ENTREP3: variants seen among roughly 807,000 people sequenced by gnomAD.
The protein encoded by ENTREP3 is endosomal transmembrane epsin interactor 3.
At chr1:155,248,371 T>A in the ENTREP3 span, 1 of 1,613,390 alleles carries the variant, frequency 6.2e-7, no homozygotes, top group Non-Finnish European at 8.5e-7. Context: ...CCATGCCCAA[T>A]CCCCATCCCT....
At chr1:155,251,842 C>T in the ENTREP3 span, 5 of 1,541,268 alleles carry the variant, frequency 3.2e-6, no homozygotes, top group Non-Finnish European at 4.4e-6. Context: ...AGGAGAGGGG[C>T]TGGGGGCGGG....
chr1:155,250,619 G>T, the ENTREP3 span: 1 of 1,609,614 alleles, frequency 6.2e-7, no homozygotes, highest in Non-Finnish European at 8.5e-7. The surrounding 1 kb of genome is among the most constrained non-coding windows in gnomAD (Gnocchi z 5.4). Context: ...GTGGCAGGGG[G>T]CTTTCCTCGA....
the ENTREP3 span, chr1:155,250,330 G>T: frequency 6.5e-7 from 1 of 1,547,848 alleles, no homozygotes; most frequent in Non-Finnish European, 8.7e-7. The surrounding 1 kb of genome is among the most constrained non-coding windows in gnomAD (Gnocchi z 5.4). Context: ...GGCAGCAGCA[G>T]CGGTGGTGGG....
At chr1:155,252,723 T>TATATATATATA in the ENTREP3 span, 21 of 27,638 alleles carry the variant, frequency 7.6e-4, no homozygotes, top group African/African-American at 1.5e-3. Context: ...TATATATATA[T>TATATATATATA]TTTTTTTTTT....
At chr1:155,254,936 A>C in the ENTREP3 span, 242 of 1,351,698 alleles carry the variant, frequency 1.8e-4, no homozygotes, top group Middle Eastern at 2.5e-4. The surrounding 1 kb of genome is among the most constrained non-coding windows in gnomAD (Gnocchi z 4.4). Context: ...GGAGCATCTC[A>C]GAGGCGCCCA....
the ENTREP3 span, chr1:155,247,636 C>T: frequency 6.1e-6 from 5 of 813,158 alleles, no homozygotes; most frequent in Admixed American, 1.0e-4. Context: ...GCAAGAGACC[C>T]CAGAGGTAGG....
chr1:155,254,714 G>A, the ENTREP3 span: 1 of 1,608,552 alleles, frequency 6.2e-7, no homozygotes, highest in Non-Finnish European at 8.5e-7. The surrounding 1 kb of genome is among the most constrained non-coding windows in gnomAD (Gnocchi z 4.4). Context: ...GACGGAAGAG[G>A]CCACCATGCT....
chr1:155,248,227 C>G, the ENTREP3 span: 1 of 1,606,724 alleles, frequency 6.2e-7, no homozygotes, highest in Non-Finnish European at 8.5e-7. Flanking sequence ...GGCGCCGTTT[C>G]TCGGCTGACC....
chr1:155,253,599 T>G, the ENTREP3 span: 43 of 1,544,710 alleles, frequency 2.8e-5, no homozygotes, highest in Admixed American at 5.0e-4. Context: ...CATACCTGCG[T>G]GCCCTGGCCC....
the ENTREP3 span, chr1:155,251,937 G>C: frequency 7.1e-7 from 1 of 1,405,846 alleles, no homozygotes; most frequent in Non-Finnish European, 9.3e-7. Flanking sequence ...CAGCAAGTCT[G>C]GATTCTGGGA....
chr1:155,254,861 C>T, the ENTREP3 span: 1 of 1,574,366 alleles, frequency 6.4e-7, no homozygotes. The surrounding 1 kb of genome is among the most constrained non-coding windows in gnomAD (Gnocchi z 4.4). Context: ...GCTGGAGTCA[C>T]TAGGCGAGGG....
At chr1:155,250,227 C>G in the ENTREP3 span, 3 of 1,493,944 alleles carry the variant, frequency 2.0e-6, no homozygotes, top group East Asian at 7.6e-5. The surrounding 1 kb of genome is among the most constrained non-coding windows in gnomAD (Gnocchi z 5.4). Context: ...CCACCTAACT[C>G]CCAGTGCCTA....
chr1:155,248,064 G>A, the ENTREP3 span: 2 of 1,614,240 alleles, frequency 1.2e-6, no homozygotes, highest in Non-Finnish European at 1.7e-6. Flanking sequence ...TTATGTCCAT[G>A]AGCTCCAGTC....
chr1:155,250,129 C>G, the ENTREP3 span: 1 of 631,072 alleles, frequency 1.6e-6, no homozygotes, highest in East Asian at 3.2e-5. The surrounding 1 kb of genome is among the most constrained non-coding windows in gnomAD (Gnocchi z 5.4). Context: ...AGGTGAGTAC[C>G]TGAGAAGTGT....
the ENTREP3 span, chr1:155,250,751 C>G: frequency 1.2e-6 from 2 of 1,612,558 alleles, no homozygotes; most frequent in Non-Finnish European, 1.7e-6. This position sits in a 1 kb window ranked among gnomAD's most constrained non-coding sequence, Gnocchi z 5.4. Flanking sequence ...GGCACGAGTC[C>G]TCCGACGGGC....
At chr1:155,251,903 C>CT in the ENTREP3 span, 1 of 1,430,716 alleles carries the variant, frequency 7.0e-7, no homozygotes, top group Non-Finnish European at 9.1e-7. Flanking sequence ...GCTCAGGGGC[C>CT]AGCTGCTGGG....
At chr1:155,249,655 A>G in the ENTREP3 span, among the ~76,000 whole-genome samples, 1 of 151,970 alleles carries the variant, frequency 6.6e-6, no homozygotes, top group African/African-American at 2.4e-5. Context: ...CGAGGCGGGC[A>G]GATCACGAGG....
chr1:155,253,196 A>G, the ENTREP3 span: 1 of 163,692 alleles, frequency 6.1e-6, no homozygotes, highest in Non-Finnish European at 1.3e-5. Context: ...GGCACGAGCC[A>G]CTGCGCCCGG....
chr1:155,254,876 A>G, the ENTREP3 span: 2 of 1,560,188 alleles, frequency 1.3e-6, no homozygotes, highest in Non-Finnish European at 1.7e-6. This position sits in a 1 kb window ranked among gnomAD's most constrained non-coding sequence, Gnocchi z 4.4. Context: ...CGAGGGCATC[A>G]TGCCTGCTGC....
Sources: allele counts gnomAD v4.1 joint callset (sites outside exome capture counted in the v4.1 genomes callset), GRCh38; gene constraint gnomAD v4.1.1; non-coding constraint Gnocchi (gnomAD v3.1); transcripts MANE v1.5; gene names NCBI Gene and HGNC (gene_info 2026-07-23, HGNC 2026-07-21).